The following C12orf42 variants were observed in gnomAD, a reference collection of about 807,000 sequenced individuals.
C12orf42 encodes the protein uncharacterized protein C12orf42.
Under a neutral mutation model 21.6 loss-of-function variants are expected in C12orf42, and 25 were observed. The observed-to-expected ratio is 1.16, with a 90% CI of 0.84 to 1.62. The LOEUF (loss-of-function observed/expected upper bound fraction) is 1.62. C12orf42 is among the 40% of genes most tolerant of loss of function. The pLI, the probability that C12orf42 is intolerant of heterozygous loss-of-function variation, is 0.00. For missense variants in C12orf42, 483 were observed against 459.3 expected (o/e 1.05, Z -0.47); for synonymous variants, 174 against 175.0 (o/e 0.99, Z 0.05).
chr12:103,202,576 C>T, the C12orf42 span, among the ~76,000 whole-genome samples: 3 of 152,138 alleles, frequency 2.0e-5, no homozygotes, highest in Non-Finnish European at 2.9e-5. Context: ...ATCCATTTTT[C>T]CCTTTTGGAG....
At chr12:103,548,439 C>T in the C12orf42 span, among the ~76,000 whole-genome samples, 1 of 152,000 alleles carries the variant, frequency 6.6e-6, no homozygotes, top group Non-Finnish European at 1.5e-5. Flanking sequence ...TAATCAGCCA[C>T]GATTTAGATA....
chr12:103,236,196 G>C (rs1166910034), downstream of C12orf42, among the ~76,000 whole-genome samples: 1 of 152,062 alleles, frequency 6.6e-6, no homozygotes, highest in Non-Finnish European at 1.5e-5. Context: ...TGTATTCTAA[G>C]TCGACAACAA....
At chr12:103,099,231 T>C in the C12orf42 span, among the ~76,000 whole-genome samples, 1 of 152,208 alleles carries the variant, frequency 6.6e-6, no homozygotes, top group South Asian at 2.1e-4. Flanking sequence ...GTTGGACTCC[T>C]AGATGGAAAA....
intron 4 of C12orf42, among the ~76,000 whole-genome samples, chr12:103,319,923 AG>A (rs2039921745): frequency 6.6e-6 from 1 of 152,210 alleles, no homozygotes; most frequent in Non-Finnish European, 1.5e-5. Context: ...ATCCTAACAG[AG>A]GGCATATTGG....
chr12:103,513,002 A>C, the C12orf42 span, among the ~76,000 whole-genome samples: 29 of 132,470 alleles, frequency 2.2e-4, no homozygotes, highest in South Asian at 6.6e-3. Flanking sequence ...ACTCCATATC[A>C]AAAAAAAAAA....
chr12:103,187,563 T>G, the C12orf42 span, among the ~76,000 whole-genome samples: 1 of 152,196 alleles, frequency 6.6e-6, no homozygotes, highest in African/African-American at 2.4e-5. Context: ...TATACTTTTG[T>G]TTTGCCAATG....
At chr12:103,057,288 C>T in the C12orf42 span, among the ~76,000 whole-genome samples, 1 of 151,782 alleles carries the variant, frequency 6.6e-6, no homozygotes, top group Non-Finnish European at 1.5e-5. Flanking sequence ...CACCTATCAA[C>T]CCATCATCTA....
the C12orf42 span, among the ~76,000 whole-genome samples, chr12:103,138,751 C>T: frequency 6.6e-6 from 1 of 152,148 alleles, no homozygotes; most frequent in South Asian, 2.1e-4. Context: ...TGCCTCTTTC[C>T]TTTGACCCTT....
At chr12:103,193,128 C>T in the C12orf42 span, among the ~76,000 whole-genome samples, 1 of 151,998 alleles carries the variant, frequency 6.6e-6, no homozygotes, top group Admixed American at 6.6e-5. Context: ...TTCACCAACA[C>T]ATTCATCAAT....
At chr12:103,501,054 C>A in the C12orf42 span, among the ~76,000 whole-genome samples, 1 of 152,158 alleles carries the variant, frequency 6.6e-6, no homozygotes, top group African/African-American at 2.4e-5. Flanking sequence ...CAAGATGTGG[C>A]TGTGGTTGTG....
chr12:103,369,433 C>T (rs1417386249), intron 3 of C12orf42, among the ~76,000 whole-genome samples: 1 of 151,030 alleles, frequency 6.6e-6, no homozygotes, highest in African/African-American at 2.5e-5. Flanking sequence ...GATACATTTT[C>T]ATACAGGGTG....
the C12orf42 span, among the ~76,000 whole-genome samples, chr12:103,185,796 A>C: frequency 6.6e-6 from 1 of 152,160 alleles, no homozygotes. Flanking sequence ...CCCATGTAAG[A>C]AGTGCCTTTC....
chr12:103,442,578 A>G (rs545937541), intron 2 of C12orf42, among the ~76,000 whole-genome samples: 4 of 152,294 alleles, frequency 2.6e-5, no homozygotes, highest in Non-Finnish European at 5.9e-5. Flanking sequence ...AGTTCCCTGT[A>G]CATCCTGGCA....
At chr12:103,287,602 G>T (rs1354454313) in intron 4 of C12orf42, among the ~76,000 whole-genome samples, 2 of 151,766 alleles carry the variant, frequency 1.3e-5, no homozygotes, top group Non-Finnish European at 2.9e-5. Flanking sequence ...TATACCTAAT[G>T]CTAAATGACG....
At chr12:103,243,988 G>A (rs2033887538) in intron 10 of C12orf42, among the ~76,000 whole-genome samples, 1 of 152,056 alleles carries the variant, frequency 6.6e-6, no homozygotes, top group Non-Finnish European at 1.5e-5. Context: ...TGGCAGTGTG[G>A]CCCAGGCATC....
At position 103,383,519 on chromosome 12, in the gene C12orf42, A is replaced by G. The variant is rs562696547; in HGVS notation, c.148-14521T>C. On this transcript the variant is annotated intron_variant, in intron 3 of 5. Coordinates refer to ENST00000548883, the MANE Select transcript of C12orf42 (RefSeq NM_198521.5). ...TATTACTATCATAAAGAATGGTGCA[A>G]TGAATAAACCTTGTACATGTATCTC... Among the ~76,000 whole-genome samples, 4 of 152,344 alleles carry G rather than the reference A, an allele frequency of 2.6e-5. No individual in the cohort carries two copies. The South Asian group carries it at 8.3e-4, about 32-fold the overall frequency.
chr12:103,294,405 G>A (rs1230927226), intron 4 of C12orf42, among the ~76,000 whole-genome samples: 1 of 133,436 alleles, frequency 7.5e-6, no homozygotes, highest in African/African-American at 2.9e-5. Flanking sequence ...AAGAAAGAAA[G>A]AAAGAAAGAG....
the C12orf42 span, among the ~76,000 whole-genome samples, chr12:103,144,582 G>T: frequency 2.0e-5 from 3 of 152,338 alleles, no homozygotes; most frequent in Non-Finnish European, 4.4e-5. Flanking sequence ...AAGGCAGTAA[G>T]AAAACTCTTC....
intron 4 of C12orf42, among the ~76,000 whole-genome samples, chr12:103,365,308 A>C (rs1333137942): frequency 6.6e-6 from 1 of 152,126 alleles, no homozygotes; most frequent in African/African-American, 2.4e-5. Context: ...CAAAATTGGC[A>C]TACAAGTGAC....
Sources: gnomAD v4.1 joint callset for allele counts (sites outside exome capture counted in the v4.1 genomes callset) on GRCh38, gnomAD v4.1.1 for gene constraint, MANE v1.5 for transcripts, NCBI Gene and HGNC (gene_info 2026-07-23, HGNC 2026-07-21) for gene names.